Variants in PPP1R9A observed in about 807,000 individuals in gnomAD.
PPP1R9A encodes protein phosphatase 1 regulatory subunit 9A, also known as neurabin-1.
A neutral mutation model predicts 141.9 loss-of-function variants in PPP1R9A; 59 were observed. The observed-to-expected ratio is 0.42, with a 90% CI of 0.34 to 0.52. PPP1R9A has a LOEUF of 0.52. PPP1R9A is among the 20% of genes least tolerant of loss of function. The pLI is 0.10. For synonymous variants in PPP1R9A, 500 were observed against 569.7 expected (o/e 0.88, Z 1.74); for missense variants, 1,444 against 1,611.9 (o/e 0.90, Z 1.78).
intron 6 of PPP1R9A, among the ~76,000 whole-genome samples, chr7:95,201,733 A>T (rs1004791016): frequency 6.6e-6 from 1 of 152,206 alleles, no homozygotes; most frequent in Non-Finnish European, 1.5e-5. Context: ...ATTGATTAGT[A>T]TATCTTTGTT....
chr7:95,213,339 G>C (rs1792553009), intron 7 of PPP1R9A, among the ~76,000 whole-genome samples: 1 of 128,040 alleles, frequency 7.8e-6, no homozygotes, highest in South Asian at 2.4e-4. Flanking sequence ...TTTTTTTTTG[G>C]AGACAGAGTT....
chr7:95,145,467 A>G lies in PPP1R9A; in HGVS notation c.1650-16400A>G, dbSNP rs1431120641. Reference sequence around the variant, plus strand: ...AAAAGGCAGAAAAAGAATTGAAGACAAACGTTGGAAGAAAGTACAAAGGCA... The same window carrying G: ...AAAAGGCAGAAAAAGAATTGAAGACGAACGTTGGAAGAAAGTACAAAGGCA... On this transcript the variant is annotated intron_variant, in intron 4 of 19. Transcript: ENST00000433360. 4.6e-5 allele frequency among the ~76,000 whole-genome samples: 7 copies of G among 152,366 alleles called. No homozygotes were observed. The South Asian group carries it at 1.4e-3, about 32-fold the overall frequency.
At chr7:95,028,618 T>C (rs1807228946) in intron 2 of PPP1R9A, among the ~76,000 whole-genome samples, 1 of 152,210 alleles carries the variant, frequency 6.6e-6, no homozygotes, top group Non-Finnish European at 1.5e-5. Flanking sequence ...CTTGGCTGAA[T>C]AGAATGTGGA....
At chr7:95,026,766 T>C (rs1254767631) in intron 2 of PPP1R9A, among the ~76,000 whole-genome samples, 2 of 152,170 alleles carry the variant, frequency 1.3e-5, no homozygotes, top group Non-Finnish European at 2.9e-5. Flanking sequence ...TGCCTTTTTT[T>C]CAGAGATACC....
chr7:95,081,084 C>T (rs890394386), intron 2 of PPP1R9A, among the ~76,000 whole-genome samples: 3 of 152,156 alleles, frequency 2.0e-5, no homozygotes, highest in African/African-American at 7.2e-5. Context: ...GTAGCTTCAT[C>T]TATTCCTAAC....
chr7:95,212,387 A>G (rs149925532), intron 7 of PPP1R9A, among the ~76,000 whole-genome samples: 228 of 152,216 alleles, frequency 1.5e-3, no homozygotes, highest in African/African-American at 5.2e-3. Flanking sequence ...TAAAATATAT[A>G]TATGTATTTA....
chr7:95,002,660 A>T (rs550658233), intron 2 of PPP1R9A, among the ~76,000 whole-genome samples: 3 of 152,144 alleles, frequency 2.0e-5, no homozygotes, highest in Non-Finnish European at 4.4e-5. Flanking sequence ...AAGAAAAGTG[A>T]AAGAGGAACT....
chr7:95,038,809 C>T (rs910066904), intron 2 of PPP1R9A, among the ~76,000 whole-genome samples: 1 of 152,110 alleles, frequency 6.6e-6, no homozygotes, highest in Non-Finnish European at 1.5e-5. Context: ...CACACTGGCA[C>T]GTCTCCAGTT....
chr7:95,021,308 A>G (rs1584309884), intron 2 of PPP1R9A, among the ~76,000 whole-genome samples: 1 of 127,258 alleles, frequency 7.9e-6, no homozygotes, highest in African/African-American at 2.8e-5. Flanking sequence ...TCACTTTTTG[A>G]TGGGGTTGGT....
intron 7 of PPP1R9A, among the ~76,000 whole-genome samples, chr7:95,217,033 C>T (rs1361953747): frequency 1.3e-5 from 2 of 152,098 alleles, no homozygotes; most frequent in African/African-American, 2.4e-5. Flanking sequence ...AGAGGGCATC[C>T]CTGTCTTGTG....
At chr7:95,096,476 T>G (rs1006519069) in intron 2 of PPP1R9A, among the ~76,000 whole-genome samples, 1 of 152,160 alleles carries the variant, frequency 6.6e-6, no homozygotes, top group Non-Finnish European at 1.5e-5. Flanking sequence ...TCTCTTAGTA[T>G]TCTGAGAGGG....
chr7:95,045,421 T>C (rs561182740), intron 2 of PPP1R9A, among the ~76,000 whole-genome samples: 2 of 152,362 alleles, frequency 1.3e-5, no homozygotes, highest in Non-Finnish European at 1.5e-5. Flanking sequence ...GCTGCCCGCA[T>C]GCGCAGTGGC....
Position 95,112,487 on chromosome 7 carries a change from G to T in PPP1R9A, c.1528+1096G>T, listed in dbSNP as rs558185991. Among the ~76,000 whole-genome samples the T allele has an allele frequency of 2.0e-5, 3 of 152,238 alleles. No individual in the cohort carries two copies. In the East Asian group the frequency reaches 5.8e-4, roughly 29 times the overall value. ...GAAATGTAAATCAGTACAATCTCTGGAAAACAGTGTGGAGATTTCTCAAAT... is the reference window on the plus strand; with the variant it reads ...GAAATGTAAATCAGTACAATCTCTGTAAAACAGTGTGGAGATTTCTCAAAT... On this transcript the variant is annotated intron_variant, in intron 3 of 19. Transcript: ENST00000433360.
At chr7:95,106,520 T>C (rs567739178) in intron 2 of PPP1R9A, among the ~76,000 whole-genome samples, 2 of 152,308 alleles carry the variant, frequency 1.3e-5, no homozygotes, top group African/African-American at 4.8e-5. Flanking sequence ...ATCACTGCAT[T>C]GAATTACATA....
chr7:95,000,216 C>A (rs1802724889), intron 2 of PPP1R9A, among the ~76,000 whole-genome samples: 1 of 152,134 alleles, frequency 6.6e-6, no homozygotes, highest in African/African-American at 2.4e-5. Context: ...CAAAATAATG[C>A]TTCATACATG....
At chr7:95,121,112 G>A (rs531176757) in intron 4 of PPP1R9A, among the ~76,000 whole-genome samples, 1 of 152,150 alleles carries the variant, frequency 6.6e-6, no homozygotes, top group East Asian at 1.9e-4. Context: ...AAACATGGGT[G>A]TATATAGTTG....
chr7:95,040,463 A>G (rs564684220), intron 2 of PPP1R9A, among the ~76,000 whole-genome samples: 287 of 151,998 alleles, frequency 1.9e-3, no homozygotes, highest in Non-Finnish European at 3.4e-3. Context: ...ATATAGGGAA[A>G]CCTTGTTTCT....
At chr7:95,173,798 G>A (rs947367694) in intron 5 of PPP1R9A, among the ~76,000 whole-genome samples, 8 of 151,974 alleles carry the variant, frequency 5.3e-5, no homozygotes, top group African/African-American at 1.9e-4. Flanking sequence ...TTAGGGGCAG[G>A]TAAATTAAAT....
intron 2 of PPP1R9A, among the ~76,000 whole-genome samples, chr7:95,047,125 A>G (rs1489335499): frequency 1.3e-5 from 2 of 152,152 alleles, no homozygotes; most frequent in African/African-American, 4.8e-5. Context: ...AGCAGCTGAG[A>G]TTTGCTTCAT....
Sources: allele counts gnomAD v4.1 joint callset (sites outside exome capture counted in the v4.1 genomes callset), GRCh38; gene constraint gnomAD v4.1.1; transcripts MANE v1.5; gene names NCBI Gene and HGNC (gene_info 2026-07-23, HGNC 2026-07-21).